Variants in ERICH6 observed in about 807,000 individuals in gnomAD.
The protein encoded by ERICH6 is glutamate-rich protein 6.
Under a neutral mutation model 71.0 loss-of-function variants are expected in ERICH6, and 71 were observed. That is an observed-to-expected ratio of 1.00 (90% CI 0.83 to 1.22). The LOEUF is 1.22. ERICH6 is among the 50% of genes most tolerant of loss of function. The probability of loss-of-function intolerance (pLI) is 0.00; values close to 1 mark genes in which losing one functional copy is unlikely to be tolerated. For synonymous variants in ERICH6, 262 were observed against 278.4 expected (o/e 0.94, Z 0.59); for missense variants, 808 against 797.2 (o/e 1.01, Z -0.16).
intron 1 of ERICH6, among the ~76,000 whole-genome samples, chr3:150,702,924 G>C (rs572843739): frequency 1.4e-5 from 2 of 138,512 alleles, no homozygotes; most frequent in Non-Finnish European, 1.6e-5. Context: ...GTCTGTGAGA[G>C]AGAGAGAGAG....
chr3:150,685,962 T>C lies in ERICH6; in HGVS notation c.666+4A>G, dbSNP rs4680107. On this transcript the variant is annotated splice_donor_region_variant and intron_variant, in intron 5 of 13. Coordinates refer to ENST00000295910, the MANE Select transcript of ERICH6 (RefSeq NM_152394.5). ...TACTAGTTAGTATGATAAACATTTC[T>C]TACCTCCAGCTCATATAAAATATTT... 508,896 of 1,599,562 alleles carry C rather than the reference T, an allele frequency of 0.32. 82,719 individuals carry two copies. Among genetic ancestry groups the C allele is most frequent in the East Asian group, 0.43 (19,200 of 44,792 alleles).
In ERICH6 at chr3:150,673,973, A is replaced by G. The variant is rs753339778; in HGVS notation, c.1326T>C (p.Asp442=). ...HGSKFLTSFP[D]GTTQIFYPSG... The stretch of plus-strand genomic sequence containing the variant: ...GAGGATACAATATTTGTGTTGTCCC[A>G]TCTGGAAATGAAGTCAGAAACTTGC... The change falls in exon 11 of 14, where the codon GAT becomes GAC. Residue 442 remains aspartate (D), a synonymous_variant. Transcript: ENST00000295910. 1.9e-6 allele frequency: 3 copies of G among 1,614,096 alleles called. No individual in the cohort carries two copies. The highest frequency in any genetic ancestry group is 1.1e-5 in the South Asian group (1 of 91,076).
intron 11 of ERICH6, 77 bp downstream of exon 11, chr3:150,673,879 C>A: frequency 7.1e-7 from 1 of 1,413,614 alleles, no homozygotes; most frequent in East Asian, 2.3e-5. Context: ...CTGCACCCAA[C>A]CATGTATTTC....
chr3:150,673,834 G>T, intron 11 of ERICH6, 122 bp downstream of exon 11: 2 of 821,788 alleles, frequency 2.4e-6, no homozygotes, highest in Non-Finnish European at 3.8e-6. Context: ...GCCCACCTCA[G>T]CCTCCCAAAG....
intron 11 of ERICH6, 126 bp downstream of exon 11, chr3:150,673,830 C>T: frequency 1.3e-6 from 1 of 792,936 alleles, no homozygotes; most frequent in Non-Finnish European, 2.0e-6. Flanking sequence ...ATCTGCCCAC[C>T]TCAGCCTCCC....
At chr3:150,684,217 C>A (rs563092390) in intron 6 of ERICH6, among the ~76,000 whole-genome samples, 1 of 152,274 alleles carries the variant, frequency 6.6e-6, no homozygotes, top group East Asian at 1.9e-4. Flanking sequence ...GAGACCACAT[C>A]TTTTCAATAA....
At chr3:150,672,498 T>C (rs987338345) in intron 11 of ERICH6, among the ~76,000 whole-genome samples, 1 of 151,228 alleles carries the variant, frequency 6.6e-6, no homozygotes, top group Admixed American at 6.6e-5. Context: ...CTCGGGAGGC[T>C]GAGGCAGGAA....
At chr3:150,672,701 T>C (rs896434828) in intron 11 of ERICH6, among the ~76,000 whole-genome samples, 5 of 151,850 alleles carry the variant, frequency 3.3e-5, no homozygotes, top group Non-Finnish European at 7.4e-5. Context: ...TCCATAGGAA[T>C]TGTGTTCAGA....
chr3:150,692,272 A>G (rs75529063), intron 3 of ERICH6, among the ~76,000 whole-genome samples: 26,696 of 152,140 alleles, frequency 0.18, 2,554 homozygotes, highest in East Asian at 0.35. Flanking sequence ...ATTAGGGCTT[A>G]TAATTTGGGA....
chr3:150,681,211 C>T (rs1711916892), intron 7 of ERICH6, among the ~76,000 whole-genome samples: 1 of 152,208 alleles, frequency 6.6e-6, no homozygotes, highest in Non-Finnish European at 1.5e-5. Flanking sequence ...TTCTTCTTCA[C>T]AGCCCCTGGC....
At chr3:150,674,587 T>C (rs545701896) in intron 10 of ERICH6, among the ~76,000 whole-genome samples, 5 of 152,296 alleles carry the variant, frequency 3.3e-5, no homozygotes, top group African/African-American at 9.6e-5. Flanking sequence ...TATTTCCACA[T>C]ACATTTTAGA....
chr3:150,700,033 T>C (rs914858040), intron 2 of ERICH6, among the ~76,000 whole-genome samples: 28 of 151,926 alleles, frequency 1.8e-4, no homozygotes, highest in African/African-American at 6.3e-4. Context: ...TGAGGCAGTA[T>C]TGGCTACTAG....
chr3:150,685,881 G>A (rs774817622), intron 5 of ERICH6, 23 bp from the exon 6 acceptor site: 1 of 1,609,526 alleles, frequency 6.2e-7, no homozygotes. Context: ...AGAGAAAGGG[G>A]TGGTGAGGGG....
intron 2 of ERICH6, among the ~76,000 whole-genome samples, 190 bp downstream of exon 2, chr3:150,701,931 T>TA (rs1374832979): frequency 1.3e-5 from 2 of 152,162 alleles, no homozygotes; most frequent in Non-Finnish European, 2.9e-5. Context: ...TAGAGCTAGG[T>TA]AATAAGCTGG....
chr3:150,666,665 C>T (rs754506966), intron 13 of ERICH6, 122 bp downstream of exon 13: 3 of 879,360 alleles, frequency 3.4e-6, no homozygotes, highest in Non-Finnish European at 3.4e-6. Flanking sequence ...CATTGAATTC[C>T]AAAATCCTAG....
At chr3:150,669,141 G>A (rs952977704) in intron 12 of ERICH6, among the ~76,000 whole-genome samples, 155 bp downstream of exon 12, 2 of 152,156 alleles carry the variant, frequency 1.3e-5, no homozygotes, top group African/African-American at 4.8e-5. Flanking sequence ...ACGGAATGGT[G>A]TAAACCAAAA....
At chr3:150,688,530 G>A (rs1446769561) in intron 3 of ERICH6, among the ~76,000 whole-genome samples, 1 of 152,122 alleles carries the variant, frequency 6.6e-6, no homozygotes, top group African/African-American at 2.4e-5. Context: ...GTAGTTTATG[G>A]GAAAGGAAAA....
rs560850145 is a variant in ERICH6 at position 150,681,429 on chromosome 3, T to C, written c.883-499A>G. Among the ~76,000 whole-genome samples the C allele has an allele frequency of 5.3e-5, 8 of 152,360 alleles. No individual in the cohort carries two copies. In the South Asian group the frequency reaches 1.4e-3, roughly 28 times the overall value. ...TTCGTGGTATGGATATACCACATTTTATTCATCCATTCATCCATTGATGGA... is the reference window on the plus strand; with the variant it reads ...TTCGTGGTATGGATATACCACATTTCATTCATCCATTCATCCATTGATGGA... On this transcript the variant is annotated intron_variant, in intron 7 of 13. Coordinates refer to ENST00000295910, the MANE Select transcript of ERICH6 (RefSeq NM_152394.5).
At chr3:150,679,131 G>A (rs1248043414) in intron 9 of ERICH6, among the ~76,000 whole-genome samples, 1 of 151,488 alleles carries the variant, frequency 6.6e-6, no homozygotes, top group Non-Finnish European at 1.5e-5. Flanking sequence ...TGGATATCAG[G>A]AAACTTTGTA....
Sources: gnomAD v4.1 joint callset for allele counts (sites outside exome capture counted in the v4.1 genomes callset) on GRCh38, gnomAD v4.1.1 for gene constraint, MANE v1.5 for transcripts, NCBI Gene and HGNC (gene_info 2026-07-23, HGNC 2026-07-21) for gene names.